OR4N5: variants seen among roughly 807,000 people sequenced by gnomAD.
The protein encoded by OR4N5 is olfactory receptor family 4 subfamily N member 5, also known as olfactory receptor 4N5.
For missense variants in OR4N5, 428 were observed against 370.0 expected, an observed-to-expected ratio of 1.16 and a Z score of -1.29; for synonymous variants, 155 against 140.6, an observed-to-expected ratio of 1.10 and a Z score of -0.72.
intron 2 of OR4N5, among the ~76,000 whole-genome samples, chr14:20,143,422 G>A (rs1463523625): frequency 6.6e-6 from 1 of 152,188 alleles, no homozygotes; most frequent in Non-Finnish European, 1.5e-5. Context: ...CTTAAGTTAT[G>A]CTTTAATAAG....
chr14:20,144,760 T>C lies in OR4N5; in HGVS notation c.*98T>C, dbSNP rs1594206156. 3 of 736,244 alleles carry C rather than the reference T, an allele frequency of 4.1e-6. No homozygotes were observed. The East Asian group carries it at 7.9e-5, about 19-fold the overall frequency. 45.6% of individuals were successfully genotyped at this position (736,244 alleles called of 1,614,324 possible). ...TTGAATCAGTCAGTCATTTAGCAAGTATTATAATTATTAAGTACTTCCCAT... is the reference window on the plus strand; with the variant it reads ...TTGAATCAGTCAGTCATTTAGCAAGCATTATAATTATTAAGTACTTCCCAT... On this transcript the variant is annotated 3_prime_UTR_variant, in exon 3 of 3. Coordinates refer to ENST00000641086, the MANE Select transcript of OR4N5 (RefSeq NM_001004724.2).
chr14:20,140,571 G>A (rs187064288), intron 1 of OR4N5, among the ~76,000 whole-genome samples: 183 of 152,302 alleles, frequency 1.2e-3, no homozygotes, highest in Non-Finnish European at 4.4e-4. Flanking sequence ...GATATGCACA[G>A]TGTTGCCTGC....
rs150456909 is a variant in OR4N5 at position 20,143,143 on chromosome 14, G to A, written c.-11-582G>A. On this transcript the variant is annotated intron_variant, in intron 2 of 2. Transcript: ENST00000641086. Reference sequence around the variant, plus strand: ...TATACAGATCTTGCTTGCTATCTTGGTGATCAGTTTGAAGTAAGAATACAC... The same window carrying A: ...TATACAGATCTTGCTTGCTATCTTGATGATCAGTTTGAAGTAAGAATACAC... Among the ~76,000 whole-genome samples, 9 of 152,256 alleles carry A rather than the reference G, an allele frequency of 5.9e-5. No individual in the cohort carries two copies. In the East Asian group the frequency reaches 9.7e-4, roughly 16 times the overall value.
intron 2 of OR4N5, among the ~76,000 whole-genome samples, chr14:20,142,652 G>A (rs1594205076): frequency 6.6e-6 from 1 of 152,212 alleles, no homozygotes; most frequent in African/African-American, 2.4e-5. Context: ...TTACTTAAGT[G>A]CCTAAATAAA....
Position 20,144,048 on chromosome 14 carries a change from C to A in OR4N5, c.313C>A (p.His105Asn), listed in dbSNP as rs753341283. The A allele has an allele frequency of 6.2e-7, 1 of 1,614,098 alleles. No homozygotes were observed. The highest frequency in any genetic ancestry group is 1.7e-5 in the Admixed American group (1 of 59,992). ...CTGCATCACTCAGCTCTTTTTCTTG[C>A]ATTTTCTTGGAGCGGGAGAGATGTT... ...RSCITQLFFL[H>N]FLGAGEMFLL... is the part of the protein sequence containing the mutation. The change falls in exon 3 of 3, where the codon CAT becomes AAT. Residue 105 changes from histidine (H) to asparagine (N), a missense_variant. By Grantham distance (68) the His-to-Asn change is moderately conservative. Transcript: ENST00000641086.
Position 20,144,438 on chromosome 14 carries a change from A to T in OR4N5, c.703A>T (p.Lys235Ter). 1 of 1,613,288 alleles carries T rather than the reference A, an allele frequency of 6.2e-7. No homozygotes were observed. Among genetic ancestry groups the T allele is most frequent in the Non-Finnish European group, 8.5e-7 (1 of 1,179,262 alleles). ...IREHSSEGKS[K>*]AISTCTTHII... is the part of the protein sequence containing the mutation. ...GGAGCACTCCTCTGAAGGAAAGAGC[A>T]AGGCTATTTCCACATGCACCACCCA... Residue 235 changes from lysine to a stop codon, truncating the protein, a stop_gained, in exon 3 of 3, where the codon AAG (lysine) becomes TAG (stop). Coordinates refer to ENST00000641086, the MANE Select transcript of OR4N5 (RefSeq NM_001004724.2). LOFTEE classifies it low-confidence loss of function (END_TRUNC).
In OR4N5 at chr14:20,142,954, T is replaced by C. The variant is rs570909616; in HGVS notation, c.-11-771T>C. Among the ~76,000 whole-genome samples, 9 of 152,326 alleles carry C rather than the reference T, an allele frequency of 5.9e-5. No individual in the cohort carries two copies. The South Asian group carries it at 1.9e-3, about 32-fold the overall frequency. ...AAAATGTTTGTGAAAAGAATATCAT[T>C]TGGCTCTCACTCTGAGATCTGAAGA... On this transcript the variant is annotated intron_variant, in intron 2 of 2. Transcript: ENST00000641086.
chr14:20,143,934 G>C lies in OR4N5; in HGVS notation c.199G>C (p.Ala67Pro). Residue 67 changes from alanine (A) to proline (P), a missense_variant, in exon 3 of 3, where the codon GCC becomes CCC. Transcript: ENST00000641086. ...APLYFFLGNL[A>P]LLDASYSFIV... ...CCTCTATTTCTTTCTGGGCAACTTG[G>C]CCTTACTGGATGCATCCTACTCCTT... 6.2e-7 allele frequency: 1 copy of C among 1,613,984 alleles called. No individual in the cohort carries two copies. The highest frequency in any genetic ancestry group is 8.5e-7 in the Non-Finnish European group (1 of 1,179,946).
At position 20,144,062 on chromosome 14, in the gene OR4N5, G is replaced by A. The variant is rs138565527; in HGVS notation, c.327G>A (p.Ala109=). ...TCTTTTTCTTGCATTTTCTTGGAGC[G>A]GGAGAGATGTTCCTCCTCGTTGTGA... The part of the protein sequence containing the change: ...TQLFFLHFLG[A]GEMFLLVVMA... Residue 109 remains alanine, a synonymous_variant, in exon 3 of 3, where the codon GCG becomes GCA. Coordinates refer to ENST00000641086, the MANE Select transcript of OR4N5 (RefSeq NM_001004724.2). The A allele has an allele frequency of 4.3e-5, 70 of 1,614,058 alleles. No homozygotes were observed. The African/African-American group carries it at 4.9e-4, about 11-fold the overall frequency.
chr14:20,141,410 A>G (rs1289176720), intron 2 of OR4N5, among the ~76,000 whole-genome samples, 199 bp downstream of exon 2: 2 of 152,206 alleles, frequency 1.3e-5, no homozygotes, highest in Non-Finnish European at 2.9e-5. Context: ...TGTTTATACA[A>G]GTGTGAATAT....
Position 20,141,106 on chromosome 14 carries a change from G to A in OR4N5, c.-117G>A, listed in dbSNP as rs1019310996. 2 of 152,168 alleles carry A rather than the reference G, an allele frequency of 1.3e-5. No individual in the cohort carries two copies. The highest frequency in any genetic ancestry group is 4.8e-5 in the African/African-American group (2 of 41,438). 9.4% of individuals were successfully genotyped at this position (152,168 alleles called of 1,614,324 possible). A position where few individuals can be genotyped will look rare whatever the true frequency, so the allele number is the denominator to read the frequency against. On this transcript the variant is annotated 5_prime_UTR_variant, in exon 2 of 3. Coordinates refer to ENST00000641086, the MANE Select transcript of OR4N5 (RefSeq NM_001004724.2). ...ATAGTAGAAAATAAAAGCAAAGGAA[G>A]AGTGAGAGAGGCTGAAACTCTCAGG...
chr14:20,143,458 A>C (rs2139075956), intron 2 of OR4N5, among the ~76,000 whole-genome samples: 1 of 152,324 alleles, frequency 6.6e-6, no homozygotes, highest in East Asian at 1.9e-4. Context: ...CTTCAAGCAA[A>C]GTAGCCTGGA....
rs28408764 is a variant in OR4N5 at position 20,143,999 on chromosome 14, G to A, written c.264G>A (p.Glu88=). The stretch of plus-strand genomic sequence containing the variant: ...GGATGTTGGTGGACTTCCTCTCTGA[G>A]AAGAAGGTAATCTCCTATAGAAGCT... ...VPRMLVDFLS[E]KKVISYRSCI... The change falls in exon 3 of 3, where the codon GAG becomes GAA. Residue 88 remains glutamate (E), a synonymous_variant. Coordinates refer to ENST00000641086, the MANE Select transcript of OR4N5 (RefSeq NM_001004724.2). The A allele has an allele frequency of 5.2e-3, 8,380 of 1,614,054 alleles. 177 individuals are homozygous for A. The highest frequency in any genetic ancestry group is 0.049 in the African/African-American group (3,665 of 75,036).
At chr14:20,142,403 A>C (rs112581057) in intron 2 of OR4N5, among the ~76,000 whole-genome samples, 2,840 of 152,268 alleles carry the variant, frequency 0.019, 72 homozygotes, top group African/African-American at 0.058. Flanking sequence ...TGCTGGGATT[A>C]CAGGTGTGAA....
At chr14:20,141,688 A>G (rs1366515926) in intron 2 of OR4N5, among the ~76,000 whole-genome samples, 2 of 152,016 alleles carry the variant, frequency 1.3e-5, no homozygotes, top group Non-Finnish European at 2.9e-5. Context: ...TCAAATTTCA[A>G]TTAAGAATTT....
rs773015040 is a variant in OR4N5, at chr14:20,144,547, T to A, written c.812T>A (p.Val271Asp). The change falls in exon 3 of 3, where the codon GTT (valine) becomes GAT (aspartate). Residue 271 changes from valine (V) to aspartate (D), a missense_variant. By Grantham distance (152) the Val-to-Asp change is radical (BLOSUM62 -3). Transcript: ENST00000641086. ...CAGGCTTTCCCAGCTGACAAGGTAG[T>A]TTCTCTTTTCCATACTGTCATCTTT... ...PFQAFPADKVVSLFHTVIFPL... is the reference protein window; with the variant it reads ...PFQAFPADKVDSLFHTVIFPL... The A allele has an allele frequency of 3.1e-6, 5 of 1,613,910 alleles. No homozygotes were observed. The East Asian group carries it at 1.1e-4, about 36-fold the overall frequency.
intron 1 of OR4N5, among the ~76,000 whole-genome samples, chr14:20,140,070 A>C (rs1201901240): frequency 6.6e-6 from 1 of 152,226 alleles, no homozygotes; most frequent in African/African-American, 2.4e-5. Context: ...CTGTAGAAAA[A>C]GTCATTGGAA....
In OR4N5 at chr14:20,140,504, G is replaced by A. The variant is rs116145770; in HGVS notation, c.-380-339G>A. 3.0e-3 allele frequency among the ~76,000 whole-genome samples: 464 copies of A among 152,234 alleles called. 4 individuals carry two copies. The highest frequency in any genetic ancestry group is 0.011 in the African/African-American group (442 of 41,534). On this transcript the variant is annotated intron_variant, in intron 1 of 2. Coordinates refer to ENST00000641086, the MANE Select transcript of OR4N5 (RefSeq NM_001004724.2). The stretch of plus-strand genomic sequence containing the variant: ...TAAGGGAGTGAGCTGCTAGGATGTT[G>A]ATCAGGTCCCCAGACACTTGGCTTC...
At chr14:20,143,653 C>G (rs572464994) in intron 2 of OR4N5, 72 bp from the exon 3 acceptor site, 4 of 1,003,724 alleles carry the variant, frequency 4.0e-6, no homozygotes, top group African/African-American at 1.6e-5. Flanking sequence ...ATGTTCTTAT[C>G]TGGAGAGGAG....
Sources: gnomAD v4.1 joint callset for allele counts (sites outside exome capture counted in the v4.1 genomes callset) on GRCh38, gnomAD v4.1.1 for gene constraint, MANE v1.5 for transcripts, NCBI Gene and HGNC (gene_info 2026-07-23, HGNC 2026-07-21) for gene names.